NCKAP1: variants seen among roughly 807,000 people sequenced by gnomAD.
NCKAP1 encodes nck-associated protein 1.
In NCKAP1, 21 loss-of-function variants were observed where a neutral mutation model predicts 151.2. The observed-to-expected ratio is 0.14, with a 90% CI of 0.10 to 0.20. The LOEUF (loss-of-function observed/expected upper bound fraction) is 0.20. NCKAP1 is among the 10% of genes least tolerant of loss of function. The pLI is 1.00. For synonymous variants in NCKAP1, 484 were observed against 451.8 expected (o/e 1.07, Z -0.90); for missense variants, 933 against 1,352.1 (o/e 0.69, Z 4.86).
Position 182,934,764 on chromosome 2 carries a change from T to C in NCKAP1, c.2847A>G (p.Glu949=). Residue 949 remains glutamate, a synonymous_variant, in exon 26 of 31, where the codon GAA becomes GAG. Transcript: ENST00000361354. ...IEDFKDHIPR[E]TDMKVAMNVY... is the part of the protein sequence containing the mutation. ...ATTATATTATTACCTTCATATCAGT[T>C]TCCCTTGGAATGTGATCCTTAAAAT... 2 of 1,464,616 alleles carry C rather than the reference T, an allele frequency of 1.4e-6. No individual in the cohort carries two copies. The highest frequency in any genetic ancestry group is 1.9e-6 in the Non-Finnish European group (2 of 1,051,444). 90.7% of individuals were successfully genotyped at this position (1,464,616 alleles called of 1,614,324 possible).
chr2:182,925,272 T>C lies in NCKAP1; in HGVS notation c.*430A>G, dbSNP rs1460612559. ...ACATCACAGAAATGCACATCCAATG[T>C]TGTTTTCAATAAGAACCATAGGTAC... On this transcript the variant is annotated 3_prime_UTR_variant, in exon 31 of 31. Coordinates refer to ENST00000361354, the MANE Select transcript of NCKAP1 (RefSeq NM_013436.5). The C allele has an allele frequency of 6.6e-6, 1 of 152,244 alleles. No homozygotes were observed. Among genetic ancestry groups the C allele is most frequent in the Non-Finnish European group, 1.5e-5 (1 of 68,054 alleles). 9.4% of individuals were successfully genotyped at this position (152,244 alleles called of 1,614,324 possible). A position where few individuals can be genotyped will look rare whatever the true frequency, so the allele number is the denominator to read the frequency against.
At chr2:182,983,880 A>C (rs1423389456) in intron 10 of NCKAP1, among the ~76,000 whole-genome samples, 1 of 152,080 alleles carries the variant, frequency 6.6e-6, no homozygotes, top group East Asian at 1.9e-4. Flanking sequence ...TAAAAATACA[A>C]AACATTAGCC....
intron 16 of NCKAP1, among the ~76,000 whole-genome samples, chr2:182,965,902 T>C (rs1697560665): frequency 6.6e-6 from 1 of 152,138 alleles, no homozygotes; most frequent in African/African-American, 2.4e-5. Context: ...ATTTGACCTG[T>C]GATGTGCCTA....
intron 23 of NCKAP1, among the ~76,000 whole-genome samples, chr2:182,942,510 CA>C (rs1305893119): frequency 6.6e-6 from 1 of 151,678 alleles, no homozygotes; most frequent in African/African-American, 2.4e-5. Flanking sequence ...CCAACTGAAA[CA>C]AAAAAACTAG....
At chr2:183,020,660 A>G (rs1469740595) in intron 2 of NCKAP1, among the ~76,000 whole-genome samples, 11 of 152,046 alleles carry the variant, frequency 7.2e-5, no homozygotes, top group Non-Finnish European at 1.6e-4. Flanking sequence ...ATAATAATCC[A>G]AAGCACAAGA....
At chr2:182,979,208 C>T (rs1186505780) in intron 13 of NCKAP1, among the ~76,000 whole-genome samples, 1 of 151,838 alleles carries the variant, frequency 6.6e-6, no homozygotes, top group Non-Finnish European at 1.5e-5. Flanking sequence ...ATGACAAACA[C>T]CAGTTGCTGT....
At chr2:183,022,865 C>A (rs2105893679) in intron 2 of NCKAP1, 1 of 152,148 alleles carries the variant, frequency 6.6e-6, no homozygotes, top group Non-Finnish European at 1.5e-5. Context: ...TATTTTTAAA[C>A]CAGTCAAGTG....
intron 26 of NCKAP1, among the ~76,000 whole-genome samples, chr2:182,931,561 G>A (rs551282364): frequency 6.6e-6 from 1 of 152,108 alleles, no homozygotes; most frequent in African/African-American, 2.4e-5. Flanking sequence ...AGCTAAAACT[G>A]TAAAACGCTT....
chr2:183,002,006 C>A lies in NCKAP1; in HGVS notation c.550G>T (p.Asp184Tyr), dbSNP rs1326897748. The change falls in exon 6 of 31, where the codon GAT (aspartate) becomes TAT (tyrosine). Residue 184 changes from aspartate (D) to tyrosine (Y), a missense_variant. Transcript: ENST00000361354. ...EYPRLGQMIV[D>Y]YENPLKKMME... ...ATCTTCTTTAAAGGGTTTTCATAAT[C>A]CACAATCATCTGGCCAAGGCGTGGG... 1 of 1,613,736 alleles carries A rather than the reference C, an allele frequency of 6.2e-7. No individual in the cohort carries two copies. The highest frequency in any genetic ancestry group is 1.3e-5 in the African/African-American group (1 of 74,886).
intron 2 of NCKAP1, among the ~76,000 whole-genome samples, chr2:183,018,878 A>T (rs1451640044): frequency 6.6e-6 from 1 of 152,210 alleles, no homozygotes; most frequent in Non-Finnish European, 1.5e-5. Context: ...TTCGCCTCTG[A>T]ACTAACTTTA....
rs568565530 is a variant in NCKAP1, at chr2:183,013,575, T to C, written c.219+10231A>G. Among the ~76,000 whole-genome samples, 7 of 152,300 alleles carry C rather than the reference T, an allele frequency of 4.6e-5. 1 individual carries two copies. In the South Asian group the frequency reaches 1.2e-3, roughly 27 times the overall value. ...CCACCATCAGCTCTCATCTCAATGATGGCAAATTTCCTAACTATTCTCCCT... is the reference window on the plus strand; with the variant it reads ...CCACCATCAGCTCTCATCTCAATGACGGCAAATTTCCTAACTATTCTCCCT... On this transcript the variant is annotated intron_variant, in intron 2 of 30. Coordinates refer to ENST00000361354, the MANE Select transcript of NCKAP1 (RefSeq NM_013436.5).
intron 2 of NCKAP1, among the ~76,000 whole-genome samples, chr2:183,020,059 A>AAAAAAAC (rs770282397): frequency 6.6e-6 from 1 of 152,148 alleles, no homozygotes; most frequent in African/African-American, 2.4e-5. Context: ...GCAGTTATTA[A>AAAAAAAC]AAAAAACAAA....
intron 1 of NCKAP1, among the ~76,000 whole-genome samples, chr2:183,024,148 A>G (rs1432639334): frequency 6.6e-6 from 1 of 152,136 alleles, no homozygotes; most frequent in Non-Finnish European, 1.5e-5. Flanking sequence ...GTTAGCGCAG[A>G]ACAGCAGTGA....
In NCKAP1 at chr2:182,914,485, A is replaced by T. The variant is rs999560788; in HGVS notation, c.*11217T>A. The stretch of plus-strand genomic sequence containing the variant: ...AAACTAACTCAGCATATCAAGCTTT[A>T]AAAAACCAATTAAAAAATTAAAAGA... On this transcript the variant is annotated 3_prime_UTR_variant, in exon 31 of 31. Transcript: ENST00000361354. 5.3e-5 allele frequency: 1 copy of T among 18,982 alleles called. No homozygotes were observed. The highest frequency in any genetic ancestry group is 1.1e-4 in the African/African-American group (1 of 9,462). The allele number at this position is 18,982 out of a possible 1,614,324, so 1.2% of individuals were successfully genotyped here. A position where few individuals can be genotyped will look rare whatever the true frequency, so the allele number is the denominator to read the frequency against.
chr2:182,952,102 T>A (rs1393506736), intron 23 of NCKAP1, among the ~76,000 whole-genome samples: 1 of 152,210 alleles, frequency 6.6e-6, no homozygotes, highest in Non-Finnish European at 1.5e-5. Flanking sequence ...GAAGCTGGTA[T>A]TTCAAAGAAA....
intron 20 of NCKAP1, among the ~76,000 whole-genome samples, chr2:182,955,019 C>A (rs1697296220): frequency 6.6e-6 from 1 of 152,124 alleles, no homozygotes; most frequent in African/African-American, 2.4e-5. Context: ...ATAAACACCA[C>A]AAGGCACAAT....
intron 16 of NCKAP1, among the ~76,000 whole-genome samples, chr2:182,966,227 A>G (rs1000657115): frequency 2.6e-5 from 4 of 151,960 alleles, no homozygotes; most frequent in Non-Finnish European, 5.9e-5. Context: ...AGCAGAAAAT[A>G]GAGTTGATAT....
chr2:182,943,629 T>C (rs1431266588), intron 23 of NCKAP1, among the ~76,000 whole-genome samples: 1 of 151,618 alleles, frequency 6.6e-6, no homozygotes, highest in African/African-American at 2.4e-5. Context: ...CCTTATTCTA[T>C]GTGTCACTAA....
chr2:182,942,347 G>C (rs918982114), intron 23 of NCKAP1, among the ~76,000 whole-genome samples, 184 bp from the exon 24 acceptor site: 1 of 152,088 alleles, frequency 6.6e-6, no homozygotes, highest in Admixed American at 6.5e-5. Context: ...TATAAGCTTA[G>C]TGTTTCCCTT....
Sources: gnomAD v4.1 joint callset for allele counts (sites outside exome capture counted in the v4.1 genomes callset) on GRCh38, gnomAD v4.1.1 for gene constraint, MANE v1.5 for transcripts, NCBI Gene and HGNC (gene_info 2026-07-23, HGNC 2026-07-21) for gene names.